Variants in PPP2R5D observed in about 807,000 individuals in gnomAD.
PPP2R5D encodes serine/threonine-protein phosphatase 2A 56 kDa regulatory subunit delta isoform.
A neutral mutation model predicts 79.1 loss-of-function variants in PPP2R5D; 12 were observed. The ratio of observed to expected loss-of-function variants is 0.15; its 90% CI spans 0.10 to 0.25. The LOEUF (loss-of-function observed/expected upper bound fraction) is 0.25. PPP2R5D is among the 10% of genes least tolerant of loss of function. The probability of loss-of-function intolerance (pLI) is 1.00; values close to 1 mark genes in which losing one functional copy is unlikely to be tolerated. For missense variants in PPP2R5D, 419 were observed against 760.2 expected, an observed-to-expected ratio of 0.55 and a Z score of 5.28; for synonymous variants, 277 against 286.6, an observed-to-expected ratio of 0.97 and a Z score of 0.34.
In PPP2R5D at chr6:43,010,824, A is replaced by G. The variant is rs528169026; in HGVS notation, c.1555-57A>G. 1.9e-6 allele frequency: 3 copies of G among 1,596,488 alleles called. No homozygotes were observed. Among genetic ancestry groups the G allele is most frequent in the Admixed American group, 1.7e-5 (1 of 59,732 alleles). ...TTGTTGGGGGAGGAATATGGGGCAC[A>G]CAGGCCCCCAAGCCTCTGAAGTGGC... is the stretch of plus-strand genomic sequence containing the variant. On this transcript the variant is annotated intron_variant, in intron 14 of 15. Transcript: ENST00000485511. This position sits in a 1 kb window ranked among gnomAD's most constrained non-coding sequence, Gnocchi z 4.7.
At position 43,009,437 on chromosome 6, in the gene PPP2R5D, G is replaced by T. The variant is rs2150281529; in HGVS notation, c.1367G>T (p.Ser456Ile). The change falls in exon 12 of 16, where the codon AGC becomes ATC. Residue 456 changes from serine to isoleucine, a missense_variant. This residue lies in a region of PPP2R5D where 196 missense variants were observed against 424.5 expected (regional missense o/e 0.46). Transcript: ENST00000485511. The surrounding 1 kb of genome is among the most constrained non-coding windows in gnomAD (Gnocchi z 5.6). ...CCTGCACTCTACAGGAACTCCAAGAGCCACTGGAACAAGTAAGGCGCTGGG... is the reference window on the plus strand; with the variant it reads ...CCTGCACTCTACAGGAACTCCAAGATCCACTGGAACAAGTAAGGCGCTGGG... The part of the protein sequence containing the change: ...MFPALYRNSK[S>I]HWNKTIHGLI... 6.2e-7 allele frequency: 1 copy of T among 1,614,126 alleles called. No individual in the cohort carries two copies. Among genetic ancestry groups the T allele is most frequent in the East Asian group, 2.2e-5 (1 of 44,892 alleles).
At position 43,008,781 on chromosome 6, in the gene PPP2R5D, T is replaced by TA; in HGVS notation, c.1080+36dup. On this transcript the variant is annotated intron_variant, in intron 10 of 15. Transcript: ENST00000485511. The surrounding 1 kb of genome is among the most constrained non-coding windows in gnomAD (Gnocchi z 4.2). ...CTTCCGGGCCCCAAGGCCCACCTCT[T>TA]ACTGTCAGCATCACTTGCCAGTCTG... 1.3e-6 allele frequency: 2 copies of TA among 1,596,780 alleles called. No individual in the cohort carries two copies. The highest frequency in any genetic ancestry group is 1.7e-6 in the Non-Finnish European group (2 of 1,165,012).
Position 43,010,802 on chromosome 6 carries a change from T to C in PPP2R5D, c.1554+66T>C, listed in dbSNP as rs1430394505. ...CCATCTTGAGCTGGGGGAGAGTTTG[T>C]TGGGGGAGGAATATGGGGCACACAG... On this transcript the variant is annotated intron_variant, in intron 14 of 15. Transcript: ENST00000485511. This position sits in a 1 kb window ranked among gnomAD's most constrained non-coding sequence, Gnocchi z 4.7. 8 of 1,605,512 alleles carry C rather than the reference T, an allele frequency of 5.0e-6. No individual in the cohort carries two copies. The East Asian group carries it at 1.1e-4, about 22-fold the overall frequency.
intron 1 of PPP2R5D, among the ~76,000 whole-genome samples, chr6:42,987,698 A>C (rs2150249094): frequency 6.6e-6 from 1 of 152,282 alleles, no homozygotes; most frequent in Admixed American, 6.5e-5. Flanking sequence ...GCCAGGGAGC[A>C]AGGGTGGTAG....
At chr6:43,001,113 C>T (rs986941351) in intron 2 of PPP2R5D, among the ~76,000 whole-genome samples, 7 of 152,220 alleles carry the variant, frequency 4.6e-5, no homozygotes, top group Admixed American at 2.6e-4. Context: ...TAAACTGAGT[C>T]TTGGAAGATG....
chr6:42,985,693 G>A (rs1770789904), intron 1 of PPP2R5D, among the ~76,000 whole-genome samples: 1 of 150,486 alleles, frequency 6.6e-6, no homozygotes, highest in Non-Finnish European at 1.5e-5. Flanking sequence ...CTCACTGTCA[G>A]ATTATTGTTC....
intron 2 of PPP2R5D, among the ~76,000 whole-genome samples, chr6:42,998,013 ATTTATATATATATATATATATATATAT>A (rs1771840354): frequency 5.2e-5 from 2 of 38,398 alleles, no homozygotes; most frequent in Non-Finnish European, 9.9e-5. Flanking sequence ...TTTGGGTTTT[ATTTATATATATATATATATATATATAT>A]ATATATATAT....
Position 43,010,917 on chromosome 6 carries a change from G to A in PPP2R5D, c.1591G>A (p.Val531Met). 6.2e-7 allele frequency: 1 copy of A among 1,614,144 alleles called. No homozygotes were observed. The highest frequency in any genetic ancestry group is 8.5e-7 in the Non-Finnish European group (1 of 1,180,024). ...MFRAPPPLPPVYSMETETPTA... is the reference protein window; with the variant it reads ...MFRAPPPLPPMYSMETETPTA... The stretch of plus-strand genomic sequence containing the variant: ...CCGAGCCCCTCCACCACTGCCCCCT[G>A]TGTACTCGATGGAGACAGAGACCCC... The change falls in exon 15 of 16, where the codon GTG (valine) becomes ATG (methionine). Residue 531 changes from valine (V) to methionine (M), a missense_variant. Val to Met is a conservative substitution (Grantham distance 21). Around this residue, in one of 5 missense-constraint regions of PPP2R5D, gnomAD observed 84 missense variants for 105.4 expected, o/e 0.80. Coordinates refer to ENST00000485511, the MANE Select transcript of PPP2R5D (RefSeq NM_006245.4). This position sits in a 1 kb window ranked among gnomAD's most constrained non-coding sequence, Gnocchi z 4.7.
At chr6:42,998,009 TTTTA>T (rs778975941) in intron 2 of PPP2R5D, among the ~76,000 whole-genome samples, 54 of 67,938 alleles carry the variant, frequency 7.9e-4, no homozygotes, top group East Asian at 1.9e-3. Flanking sequence ...AATATTTGGG[TTTTA>T]TTTATATATA....
At chr6:42,992,617 C>T (rs1319966401) in intron 2 of PPP2R5D, among the ~76,000 whole-genome samples, 1 of 151,962 alleles carries the variant, frequency 6.6e-6, no homozygotes, top group Non-Finnish European at 1.5e-5. Flanking sequence ...AGTTTGACAC[C>T]AGCCTGGGCA....
intron 2 of PPP2R5D, among the ~76,000 whole-genome samples, chr6:42,996,450 C>G (rs559109286): frequency 6.7e-6 from 1 of 148,328 alleles, no homozygotes; most frequent in African/African-American, 2.5e-5. Context: ...GGTGACAGAG[C>G]GAGACTCCGT....
At chr6:42,999,877 AC>A (rs1476747288) in intron 2 of PPP2R5D, among the ~76,000 whole-genome samples, 3 of 150,132 alleles carry the variant, frequency 2.0e-5, no homozygotes, top group Non-Finnish European at 4.4e-5. Flanking sequence ...GGAGCATAAG[AC>A]CCCCTGTTCT....
Position 43,012,289 on chromosome 6 carries a change from G to T in PPP2R5D, c.*1003G>T. On this transcript the variant is annotated 3_prime_UTR_variant, in exon 16 of 16. Transcript: ENST00000485511. ...AGTGATACATGCTAAGGTGGGTTGG[G>T]CTTGGACCGATGTCCCCATATGTAC... 7.2e-7 allele frequency: 1 copy of T among 1,381,768 alleles called. No individual in the cohort carries two copies. Among genetic ancestry groups the T allele is most frequent in the East Asian group, 2.6e-5 (1 of 38,880 alleles). 85.6% of individuals were successfully genotyped at this position (1,381,768 alleles called of 1,614,324 possible).
Position 43,009,261 on chromosome 6 carries a change from C to A in PPP2R5D, c.1251+34C>A, listed in dbSNP as rs1266667055. 7 of 1,613,946 alleles carry A rather than the reference C, an allele frequency of 4.3e-6. No homozygotes were observed. Among genetic ancestry groups the A allele is most frequent in the African/African-American group, 1.3e-5 (1 of 75,022 alleles). ...CCAACCTAGCATATCCTAGCCCCTG[C>A]CAGAAACTGAGGTCTTGAGTGAAAT... On this transcript the variant is annotated intron_variant, in intron 11 of 15. Coordinates refer to ENST00000485511, the MANE Select transcript of PPP2R5D (RefSeq NM_006245.4). This position sits in a 1 kb window ranked among gnomAD's most constrained non-coding sequence, Gnocchi z 5.6.
Position 43,008,488 on chromosome 6 carries a change from C to A in PPP2R5D, c.1026+13C>A. ...CTACCACCCTCAGGTGAGCTGCCTT[C>A]CTCCTTATAATGTCCAACTCAGGCA... is the stretch of plus-strand genomic sequence containing the variant. On this transcript the variant is annotated intron_variant, in intron 9 of 15. Transcript: ENST00000485511. The surrounding 1 kb of genome is among the most constrained non-coding windows in gnomAD (Gnocchi z 4.2). 6.3e-7 allele frequency: 1 copy of A among 1,593,948 alleles called. No homozygotes were observed. The highest frequency in any genetic ancestry group is 8.6e-7 in the Non-Finnish European group (1 of 1,161,658).
chr6:42,994,657 T>G (rs1002018754), intron 2 of PPP2R5D, among the ~76,000 whole-genome samples: 2 of 151,754 alleles, frequency 1.3e-5, no homozygotes, highest in Admixed American at 6.6e-5. Context: ...ATACAAAAAT[T>G]AGCTGGGCAT....
chr6:42,998,832 C>T (rs1376022487), intron 2 of PPP2R5D, among the ~76,000 whole-genome samples: 5 of 151,658 alleles, frequency 3.3e-5, no homozygotes, highest in African/African-American at 1.2e-4. Context: ...GTCAGGAGTT[C>T]GAGACCAGCC....
chr6:43,007,641 TAA>T lies in PPP2R5D; in HGVS notation c.726+140_726+141del. The T allele has an allele frequency of 2.1e-6, 2 of 968,354 alleles. No individual in the cohort carries two copies. The allele number at this position is 968,354 out of a possible 1,614,324, so 60.0% of individuals were successfully genotyped here. Reference sequence around the variant, plus strand: ...TCTGGTACGAGGAGGCTATAAAGGGTAAAAAACAAAACAAAACAAAACCCTAC... The same window carrying T: ...TCTGGTACGAGGAGGCTATAAAGGGTAAAACAAAACAAAACAAAACCCTAC... On this transcript the variant is annotated intron_variant, in intron 6 of 15. Coordinates refer to ENST00000485511, the MANE Select transcript of PPP2R5D (RefSeq NM_006245.4). The surrounding 1 kb of genome is among the most constrained non-coding windows in gnomAD (Gnocchi z 4.5).
At chr6:42,994,236 G>A (rs2150256955) in intron 2 of PPP2R5D, among the ~76,000 whole-genome samples, 1 of 152,356 alleles carries the variant, frequency 6.6e-6, no homozygotes, top group South Asian at 2.1e-4. Context: ...GTTGCAGTGA[G>A]CTGAGATTGT....
Sources: gnomAD v4.1 joint callset for allele counts (sites outside exome capture counted in the v4.1 genomes callset) on GRCh38, gnomAD v4.1.1 for gene constraint, gnomAD v4.1.1 regional missense constraint, Gnocchi (gnomAD v3.1) non-coding constraint, MANE v1.5 for transcripts, NCBI Gene and HGNC (gene_info 2026-07-23, HGNC 2026-07-21) for gene names.